The following TENM3 variants were observed in gnomAD, a reference collection of about 807,000 sequenced individuals.
The protein encoded by TENM3 is teneurin-3.
A neutral mutation model predicts 255.1 loss-of-function variants in TENM3; 63 were observed. That is an observed-to-expected ratio of 0.25 (90% CI 0.20 to 0.30). TENM3 has a LOEUF of 0.30. Among genes scored for constraint, TENM3 ranks in the 10% least tolerant of loss-of-function variants. The pLI is 1.00. For missense variants in TENM3, 2,929 were observed against 3,461.1 expected (o/e 0.85, Z 3.86); for synonymous variants, 1,306 against 1,322.3 (o/e 0.99, Z 0.27).
the TENM3 span, among the ~76,000 whole-genome samples, chr4:181,681,846 T>C: frequency 9.2e-5 from 14 of 152,140 alleles, no homozygotes; most frequent in Non-Finnish European, 1.6e-4. Context: ...TATGGCAATA[T>C]TGTGATGAAA....
the TENM3 span, among the ~76,000 whole-genome samples, chr4:181,570,598 A>C: frequency 6.6e-6 from 1 of 150,696 alleles, no homozygotes; most frequent in East Asian, 1.9e-4. Context: ...AAAGAAAAAG[A>C]GAGGAAGGAA....
chr4:181,499,085 A>T, the TENM3 span, among the ~76,000 whole-genome samples: 2 of 152,136 alleles, frequency 1.3e-5, no homozygotes, highest in Non-Finnish European at 2.9e-5. Flanking sequence ...TGTTGGATTG[A>T]TTTCAGTTCC....
chr4:182,095,389 G>A, the TENM3 span, among the ~76,000 whole-genome samples: 2 of 152,218 alleles, frequency 1.3e-5, no homozygotes, highest in African/African-American at 4.8e-5. Context: ...CCTGTCATTT[G>A]CAGCAACATG....
At chr4:181,738,047 T>G in the TENM3 span, among the ~76,000 whole-genome samples, 1 of 151,862 alleles carries the variant, frequency 6.6e-6, no homozygotes, top group Admixed American at 6.6e-5. Flanking sequence ...ATAAAATATC[T>G]TTATGAACAT....
the TENM3 span, among the ~76,000 whole-genome samples, chr4:181,854,741 T>A: frequency 2.0e-5 from 3 of 152,228 alleles, no homozygotes; most frequent in East Asian, 5.8e-4. Flanking sequence ...GGTATTCTTA[T>A]GTAATATTTT....
At chr4:181,544,408 T>TAAAAAAAAAAAAAAAA in the TENM3 span, among the ~76,000 whole-genome samples, 88 of 68,660 alleles carry the variant, frequency 1.3e-3, 15 homozygotes, top group Admixed American at 2.6e-3. Flanking sequence ...CCTTCAGGAT[T>TAAAAAAAAAAAAAAAA]AAAAAAAAAA....
At chr4:181,716,725 C>G in the TENM3 span, among the ~76,000 whole-genome samples, 1 of 152,034 alleles carries the variant, frequency 6.6e-6, no homozygotes, top group African/African-American at 2.4e-5. Context: ...CAAAGTAAGT[C>G]CTCATTAGAG....
the TENM3 span, among the ~76,000 whole-genome samples, chr4:181,816,108 G>A: frequency 3.2e-4 from 49 of 152,258 alleles, 1 homozygote; most frequent in South Asian, 9.1e-3. Flanking sequence ...CAGCCCCTGT[G>A]TTCATGTAGT....
chr4:182,179,373 G>C (rs1752705748), intron 1 of TENM3, among the ~76,000 whole-genome samples: 1 of 152,118 alleles, frequency 6.6e-6, no homozygotes, highest in Admixed American at 6.5e-5. Context: ...AGCAGTGCAT[G>C]GTCTTGTTTT....
At chr4:181,708,706 A>G in the TENM3 span, among the ~76,000 whole-genome samples, 2 of 152,138 alleles carry the variant, frequency 1.3e-5, no homozygotes, top group Non-Finnish European at 2.9e-5. Flanking sequence ...GTACTGATAC[A>G]TGAAACCTGT....
At chr4:181,762,709 T>G in the TENM3 span, among the ~76,000 whole-genome samples, 1 of 152,188 alleles carries the variant, frequency 6.6e-6, no homozygotes, top group East Asian at 1.9e-4. Flanking sequence ...TCAACATTTT[T>G]ACCCCATTAT....
At chr4:181,993,427 T>C in the TENM3 span, among the ~76,000 whole-genome samples, 5 of 152,176 alleles carry the variant, frequency 3.3e-5, no homozygotes, top group Non-Finnish European at 5.9e-5. Flanking sequence ...ATTGCTGTTA[T>C]AGTAATCGTG....
intron 3 of TENM3, among the ~76,000 whole-genome samples, chr4:182,487,983 A>G (rs13145928): frequency 0.86 from 130,532 of 152,172 alleles, 56,558 homozygotes; most frequent in East Asian, 0.96. Flanking sequence ...TGAGTTTTAA[A>G]CCAGGTTTGC....
intron 1 of TENM3, among the ~76,000 whole-genome samples, chr4:182,284,482 T>A (rs750775359): frequency 3.9e-5 from 6 of 152,216 alleles, no homozygotes; most frequent in Admixed American, 6.5e-5. Flanking sequence ...AAGGTAACTT[T>A]GTGGTGTTTT....
At chr4:181,641,552 GTGTATA>G in the TENM3 span, among the ~76,000 whole-genome samples, 38 of 21,690 alleles carry the variant, frequency 1.8e-3, 2 homozygotes, top group African/African-American at 4.5e-3. Context: ...CATGGTGTGT[GTGTATA>G]TATATATATA....
At chr4:182,521,578 G>A (rs980833126) in intron 3 of TENM3, among the ~76,000 whole-genome samples, 3 of 129,794 alleles carry the variant, frequency 2.3e-5, no homozygotes, top group Non-Finnish European at 3.3e-5. Context: ...GTAGCAAATG[G>A]GGGGGTCGCT....
At chr4:182,738,193 A>T (rs537399748) in intron 17 of TENM3, among the ~76,000 whole-genome samples, 3 of 152,266 alleles carry the variant, frequency 2.0e-5, no homozygotes, top group African/African-American at 4.8e-5. Flanking sequence ...TTTTCTATTA[A>T]ATCAGTGGAA....
chr4:182,516,995 G>T (rs1308644938), intron 3 of TENM3, among the ~76,000 whole-genome samples: 4 of 151,818 alleles, frequency 2.6e-5, no homozygotes, highest in African/African-American at 9.7e-5. Context: ...AAGAATGAGT[G>T]TATTTCATAT....
chr4:182,131,024 G>C, the TENM3 span, among the ~76,000 whole-genome samples: 1 of 152,098 alleles, frequency 6.6e-6, no homozygotes, highest in Non-Finnish European at 1.5e-5. Context: ...GGTGATAATG[G>C]TGACCCTTGG....
Sources: allele counts gnomAD v4.1 joint callset (sites outside exome capture counted in the v4.1 genomes callset), GRCh38; gene constraint gnomAD v4.1.1; transcripts MANE v1.5; gene names NCBI Gene and HGNC (gene_info 2026-07-23, HGNC 2026-07-21).